FRY: variants seen among roughly 807,000 people sequenced by gnomAD.
FRY encodes protein furry homolog.
FRY carries 128 observed loss-of-function variants against 348.4 expected under a neutral mutation model. The ratio of observed to expected loss-of-function variants is 0.37; its 90% CI spans 0.32 to 0.43. The LOEUF is 0.43. FRY is among the 20% of genes least tolerant of loss of function. The pLI is 1.00. For missense variants in FRY, 2,736 were observed against 3,695.2 expected (o/e 0.74, Z 6.73); for synonymous variants, 1,370 against 1,374.7 (o/e 1.00, Z 0.08).
chr13:32,069,035 G>C (rs1874445777), intron 1 of FRY, among the ~76,000 whole-genome samples: 1 of 149,878 alleles, frequency 6.7e-6, no homozygotes. Flanking sequence ...TCCTGCCTCA[G>C]CCTCCCAAGT....
chr13:32,257,024 G>A (rs1436742454), intron 51 of FRY, among the ~76,000 whole-genome samples: 1 of 152,088 alleles, frequency 6.6e-6, no homozygotes, highest in Non-Finnish European at 1.5e-5. Flanking sequence ...TGTATTTAAG[G>A]TGTATGTGAA....
At chr13:32,048,782 A>G (rs987346799) in intron 1 of FRY, among the ~76,000 whole-genome samples, 1 of 152,298 alleles carries the variant, frequency 6.6e-6, no homozygotes, top group African/African-American at 2.4e-5. Context: ...TTACTAGAAA[A>G]AAAAAATCTG....
chr13:32,047,990 A>G (rs1368618819), intron 1 of FRY, among the ~76,000 whole-genome samples: 1 of 152,072 alleles, frequency 6.6e-6, no homozygotes, highest in Non-Finnish European at 1.5e-5. Flanking sequence ...ACCCACTTCC[A>G]CTTCCCCTTC....
At chr13:32,108,109 C>T (rs1353129640) in intron 3 of FRY, among the ~76,000 whole-genome samples, 3 of 152,044 alleles carry the variant, frequency 2.0e-5, no homozygotes, top group African/African-American at 7.2e-5. Flanking sequence ...TTTCACATTC[C>T]AGGAGCTCCA....
intron 1 of FRY, among the ~76,000 whole-genome samples, chr13:32,044,619 C>T (rs542269924): frequency 1.3e-4 from 20 of 152,334 alleles, no homozygotes; most frequent in South Asian, 6.2e-4. Flanking sequence ...GAGCCACTCC[C>T]GCCCCACTTT....
chr13:32,041,822 A>G (rs1350458987), intron 1 of FRY, among the ~76,000 whole-genome samples: 1 of 152,230 alleles, frequency 6.6e-6, no homozygotes, highest in Non-Finnish European at 1.5e-5. Flanking sequence ...AGAAACCGCC[A>G]GTGCTTATCA....
chr13:32,041,925 C>A (rs796315473), intron 1 of FRY, among the ~76,000 whole-genome samples: 28 of 152,296 alleles, frequency 1.8e-4, no homozygotes, highest in African/African-American at 6.7e-4. Context: ...GCAGAGTAAA[C>A]TACTTTGTTC....
chr13:32,259,430 G>A (rs1887513111), intron 51 of FRY, among the ~76,000 whole-genome samples: 1 of 152,194 alleles, frequency 6.6e-6, no homozygotes, highest in African/African-American at 2.4e-5. Flanking sequence ...TTTCACACCT[G>A]ATTGATTCAG....
chr13:32,038,169 A>T (rs1022930018), intron 1 of FRY, among the ~76,000 whole-genome samples: 7 of 152,204 alleles, frequency 4.6e-5, no homozygotes, highest in Admixed American at 4.6e-4. Flanking sequence ...GTGGCATGAG[A>T]TACCCACATG....
intron 40 of FRY, among the ~76,000 whole-genome samples, chr13:32,229,516 A>G (rs1157083741): frequency 6.6e-6 from 1 of 152,256 alleles, no homozygotes; most frequent in Non-Finnish European, 1.5e-5. Context: ...TTTAATGTGC[A>G]GGAAGCTTAG....
intron 7 of FRY, among the ~76,000 whole-genome samples, chr13:32,129,256 A>G (rs1306001837): frequency 6.6e-6 from 1 of 152,228 alleles, no homozygotes; most frequent in Non-Finnish European, 1.5e-5. Flanking sequence ...TATAAGCTGT[A>G]TGCCCAAATA....
chr13:32,266,910 C>T (rs927670122), intron 54 of FRY, among the ~76,000 whole-genome samples: 4 of 152,036 alleles, frequency 2.6e-5, no homozygotes, highest in African/African-American at 9.7e-5. Context: ...CTTGAACCCA[C>T]GAGGCAGAGG....
Position 32,231,282 on chromosome 13 carries a change from T to C in FRY, c.5509T>C (p.Phe1837Leu), listed in dbSNP as rs55673178. Residue 1837 changes from phenylalanine to leucine, a missense_variant, in exon 41 of 61, where the codon TTT (phenylalanine) becomes CTT (leucine). Physicochemically the swap from Phe to Leu is conservative, Grantham distance 22. Around this residue, in one of 9 missense-constraint regions of FRY, gnomAD observed 794 missense variants for 977.0 expected, o/e 0.81. Transcript: ENST00000542859. ...TNFLRHVVSV[F>L]KDSKSGFHLE... ...TTTTCTACGTCACGTTGTATCTGTA[T>C]TTAAAGATTCCAAATCAGGTACTTC... 2.9e-4 allele frequency: 474 copies of C among 1,613,714 alleles called. 4 individuals are homozygous for C. In the South Asian group the frequency reaches 3.6e-3, roughly 12 times the overall value.
At chr13:32,268,056 G>T (rs1593825791) in intron 55 of FRY, among the ~76,000 whole-genome samples, 1 of 152,216 alleles carries the variant, frequency 6.6e-6, no homozygotes, top group East Asian at 1.9e-4. Flanking sequence ...GTGCAGGTGG[G>T]ATTCCAACCC....
chr13:32,266,845 A>G (rs1249490515), intron 54 of FRY, among the ~76,000 whole-genome samples: 2 of 152,158 alleles, frequency 1.3e-5, no homozygotes, highest in Non-Finnish European at 1.5e-5. Flanking sequence ...TTTGCTGGGC[A>G]TGGTAGCACA....
intron 50 of FRY, among the ~76,000 whole-genome samples, chr13:32,253,069 G>A (rs756295514): frequency 6.6e-6 from 1 of 152,168 alleles, no homozygotes; most frequent in Non-Finnish European, 1.5e-5. Flanking sequence ...TCTGCCCTGT[G>A]CTAAGGCCTT....
intron 44 of FRY, among the ~76,000 whole-genome samples, chr13:32,238,571 C>A (rs937867592): frequency 6.6e-6 from 1 of 152,242 alleles, no homozygotes; most frequent in East Asian, 1.9e-4. Context: ...CCTGCCTCAG[C>A]CTCCGGAGTA....
chr13:32,084,688 C>A (rs1875739317), intron 2 of FRY, among the ~76,000 whole-genome samples: 1 of 152,102 alleles, frequency 6.6e-6, no homozygotes, highest in Admixed American at 6.5e-5. Context: ...TAGTAAATAC[C>A]AGAATATATT....
In FRY at chr13:32,072,714, TG is replaced by T. The variant is rs1365074331; in HGVS notation, c.71-6118del. 2.6e-5 allele frequency among the ~76,000 whole-genome samples: 4 copies of T among 152,226 alleles called. No homozygotes were observed. The East Asian group carries it at 7.7e-4, about 29-fold the overall frequency. The stretch of plus-strand genomic sequence containing the variant: ...GTTTTATGAAATGTTCCTGTACTGC[TG>T]GTAAACAAATTAAGTCTTAGGAGAA... On this transcript the variant is annotated intron_variant, in intron 1 of 60. Coordinates refer to ENST00000542859, the MANE Select transcript of FRY (RefSeq NM_023037.3).
Sources: gnomAD v4.1 joint callset for allele counts (sites outside exome capture counted in the v4.1 genomes callset) on GRCh38, gnomAD v4.1.1 for gene constraint, gnomAD v4.1.1 regional missense constraint, MANE v1.5 for transcripts, NCBI Gene and HGNC (gene_info 2026-07-23, HGNC 2026-07-21) for gene names.